Variants in ZNF841 observed in about 807,000 individuals in gnomAD.
ZNF841 encodes TCONS_00006091.
Under a neutral mutation model 13.0 loss-of-function variants are expected in ZNF841, and 11 were observed. That is an observed-to-expected ratio of 0.85 (90% CI 0.53 to 1.40). The LOEUF (loss-of-function observed/expected upper bound fraction) is 1.40, where lower values mean the gene tolerates loss of function less well. Ranked by LOEUF, ZNF841 falls within the 40% of genes most tolerant of loss-of-function variation. ZNF841 has a pLI of 0.00. For missense variants in ZNF841, 1,068 were observed against 1,139.5 expected, an observed-to-expected ratio of 0.94 and a Z score of 0.90; for synonymous variants, 369 against 381.6, an observed-to-expected ratio of 0.97 and a Z score of 0.38.
chr19:52,066,091 G>C lies in ZNF841; in HGVS notation c.1791C>G (p.Tyr597Ter), dbSNP rs370442605. ...HQRMHTGEKP[Y>*]KCNVCGKVFI... ...AGACCTTGCCACACACATTACATTT[G>C]TAAGGTTTCTCTCCGGTATGCATTC... Residue 597 changes from tyrosine (Y) to a stop codon, truncating the protein, a stop_gained, in exon 7 of 7, where the codon TAC becomes TAG. Coordinates refer to ENST00000594440, the MANE Select transcript of ZNF841 (RefSeq NM_001136499.2). LOFTEE classifies it low-confidence loss of function (END_TRUNC). 4.3e-6 allele frequency: 7 copies of C among 1,613,720 alleles called. No individual in the cohort carries two copies. The highest frequency in any genetic ancestry group is 5.1e-6 in the Non-Finnish European group (6 of 1,179,940).
chr19:52,076,452 C>T, intron 5 of ZNF841: 1 of 340,786 alleles, frequency 2.9e-6, no homozygotes, highest in Non-Finnish European at 5.6e-6. Context: ...GACTTGAGCA[C>T]AGGAGTTCAA....
At position 52,077,057 on chromosome 19, in the gene ZNF841, C is replaced by T. The variant is rs781422579; in HGVS notation, c.43G>A (p.Val15Ile). 8 of 1,612,398 alleles carry T rather than the reference C, an allele frequency of 5.0e-6. No homozygotes were observed. The highest frequency in any genetic ancestry group is 5.9e-6 in the Non-Finnish European group (7 of 1,179,046). ...QGSLTFRDVA[V>I]EFSQEEWKCL... Reference sequence around the variant, plus strand: ...TTCCACTCCTCCTGAGAGAATTCTACAGCCACATCCCTGAATGTCAAAGAT... The same window carrying T: ...TTCCACTCCTCCTGAGAGAATTCTATAGCCACATCCCTGAATGTCAAAGAT... The change falls in exon 5 of 7, where the codon GTA (valine) becomes ATA (isoleucine). Residue 15 changes from valine (V) to isoleucine (I), a missense_variant. Transcript: ENST00000594440.
At chr19:52,083,414 G>T (rs2088163266) in intron 4 of ZNF841, among the ~76,000 whole-genome samples, 1 of 141,260 alleles carries the variant, frequency 7.1e-6, no homozygotes. Context: ...CACATGACAT[G>T]TCCCACTCTT....
intron 6 of ZNF841, among the ~76,000 whole-genome samples, chr19:52,072,426 A>G (rs1392308556): frequency 2.0e-5 from 3 of 152,264 alleles, no homozygotes; most frequent in Non-Finnish European, 4.4e-5. Context: ...ATATCGGAAA[A>G]GAAAAAAAAT....
chr19:52,091,123 T>G (rs1395664099), intron 2 of ZNF841, among the ~76,000 whole-genome samples: 1 of 152,192 alleles, frequency 6.6e-6, no homozygotes, highest in East Asian at 1.9e-4. Flanking sequence ...TCTTTATTCC[T>G]GTGTCCGTCC....
downstream of ZNF841, among the ~76,000 whole-genome samples, chr19:52,061,567 AC>A (rs1459626015): frequency 1.3e-5 from 2 of 151,658 alleles, no homozygotes; most frequent in Non-Finnish European, 2.9e-5. Flanking sequence ...CTTTTTTGAG[AC>A]AGAGTTTTGC....
downstream of ZNF841, among the ~76,000 whole-genome samples, chr19:52,063,323 T>C (rs2087436458): frequency 6.6e-6 from 1 of 152,132 alleles, no homozygotes; most frequent in South Asian, 2.1e-4. Flanking sequence ...GTATAAATTC[T>C]CTCAAACTCC....
the ZNF841 span, among the ~76,000 whole-genome samples, chr19:52,059,390 T>C: frequency 3.6e-3 from 350 of 96,294 alleles, 3 homozygotes; most frequent in Middle Eastern, 6.1e-3. Context: ...TATATATATA[T>C]ACACACACAC....
At chr19:52,086,817 T>C (rs1188612153) in intron 3 of ZNF841, among the ~76,000 whole-genome samples, 2 of 152,116 alleles carry the variant, frequency 1.3e-5, no homozygotes, top group African/African-American at 4.8e-5. Flanking sequence ...ATACATTGGA[T>C]TTAGAAATGG....
chr19:52,060,626 C>T (rs1262965794), downstream of ZNF841, among the ~76,000 whole-genome samples: 2 of 152,064 alleles, frequency 1.3e-5, no homozygotes, highest in African/African-American at 2.4e-5. Flanking sequence ...ACTGGGGCCA[C>T]TCTCTGGTAT....
Position 52,090,658 on chromosome 19 carries a change from A to AAG in ZNF841, c.-143-1657_-143-1656insCT, listed in dbSNP as rs1568549617. Among the ~76,000 whole-genome samples the AAG allele has an allele frequency of 3.4e-3, 280 of 83,092 alleles. 2 individuals are homozygous for AAG. Among genetic ancestry groups the AAG allele is most frequent in the African/African-American group, 0.017 (206 of 12,434 alleles). 54.5% of individuals were successfully genotyped at this position (83,092 alleles called of 152,430 possible). A position where few individuals can be genotyped will look rare whatever the true frequency, so the allele number is the denominator to read the frequency against. ...AGGAAGGAAGGAAGGAAGGAAGGAA[A>AAG]GAAAGAAAGAAAGAAAGAAAGAAAG... On this transcript the variant is annotated intron_variant, in intron 2 of 6. Transcript: ENST00000594440.
chr19:52,085,202 G>A (rs2088229914), intron 3 of ZNF841, among the ~76,000 whole-genome samples: 3 of 152,168 alleles, frequency 2.0e-5, no homozygotes, highest in Admixed American at 1.3e-4. Flanking sequence ...ATCACAGGCT[G>A]AGCTCAGCTC....
intron 4 of ZNF841, among the ~76,000 whole-genome samples, chr19:52,081,103 G>A (rs953275004): frequency 1.3e-5 from 2 of 152,156 alleles, no homozygotes; most frequent in Admixed American, 1.3e-4. Context: ...GATTCCCTAA[G>A]GGGACCAAAA....
intron 5 of ZNF841, 28 bp from the exon 6 acceptor site, chr19:52,076,200 C>T (rs1251667056): frequency 5.8e-6 from 9 of 1,547,180 alleles, no homozygotes; most frequent in Non-Finnish European, 7.9e-6. Context: ...AAGAAGATGT[C>T]CCACGGTTTT....
Position 52,084,805 on chromosome 19 carries a change from T to C in ZNF841, c.-4A>G, listed in dbSNP as rs752917539. On this transcript the variant is annotated 5_prime_UTR_variant, in exon 4 of 7. Transcript: ENST00000594440. ...ACTTTACCTGAGGAAGAGCCATCCCTGGCTCCTTTTCTTTCTTCTTTCTCT... is the reference window on the plus strand; with the variant it reads ...ACTTTACCTGAGGAAGAGCCATCCCCGGCTCCTTTTCTTTCTTCTTTCTCT... 3 of 1,613,410 alleles carry C rather than the reference T, an allele frequency of 1.9e-6. No homozygotes were observed. Among genetic ancestry groups the C allele is most frequent in the East Asian group, 4.5e-5 (2 of 44,870 alleles).
chr19:52,078,996 T>C (rs1251147109), intron 4 of ZNF841, among the ~76,000 whole-genome samples: 3 of 152,188 alleles, frequency 2.0e-5, no homozygotes, highest in Non-Finnish European at 2.9e-5. Context: ...TAGACATGTA[T>C]GTTTTAGCAT....
intron 6 of ZNF841, among the ~76,000 whole-genome samples, chr19:52,073,212 C>T (rs957650545): frequency 1.3e-5 from 2 of 151,958 alleles, no homozygotes; most frequent in Admixed American, 6.6e-5. Flanking sequence ...AGATGAATAA[C>T]GACTTACATT....
At chr19:52,064,391 T>G (rs920234869), downstream of ZNF841, 17 of 95,346 alleles carry the variant, frequency 1.8e-4, no homozygotes, top group African/African-American at 5.7e-4. Flanking sequence ...AAAAAAAAAC[T>G]TAGCTATATT....
Position 52,077,111 on chromosome 19 carries a change from G to A in ZNF841, c.16-27C>T, listed in dbSNP as rs538140572. The A allele has an allele frequency of 1.4e-5, 22 of 1,592,274 alleles. No individual in the cohort carries two copies. In the East Asian group the frequency reaches 2.7e-4, roughly 20 times the overall value. On this transcript the variant is annotated intron_variant, in intron 4 of 6. Coordinates refer to ENST00000594440, the MANE Select transcript of ZNF841 (RefSeq NM_001136499.2). ...TGAAATGAAAAACACATTTCAATATGAGCAGTGGGTGAGCTCTTATCTTTA... is the reference window on the plus strand; with the variant it reads ...TGAAATGAAAAACACATTTCAATATAAGCAGTGGGTGAGCTCTTATCTTTA...
Sources: allele counts gnomAD v4.1 joint callset (sites outside exome capture counted in the v4.1 genomes callset), GRCh38; gene constraint gnomAD v4.1.1; transcripts MANE v1.5; gene names NCBI Gene and HGNC (gene_info 2026-07-23, HGNC 2026-07-21).